Variants in HEMK2 observed in about 807,000 individuals in gnomAD.
HEMK2 encodes the protein methyltransferase HEMK2.
chr21:28,844,554 T>C, the HEMK2 span, among the ~76,000 whole-genome samples: 4 of 152,052 alleles, frequency 2.6e-5, no homozygotes, highest in Non-Finnish European at 5.9e-5. Flanking sequence ...TGTGAATATC[T>C]TTCTATGGAA....
chr21:28,682,104 G>A, the HEMK2 span, among the ~76,000 whole-genome samples: 1 of 151,978 alleles, frequency 6.6e-6, no homozygotes, highest in African/African-American at 2.4e-5. Flanking sequence ...TACCATCAGA[G>A]TGAACAGGCA....
chr21:28,647,267 C>T, the HEMK2 span, among the ~76,000 whole-genome samples: 2 of 133,108 alleles, frequency 1.5e-5, no homozygotes, highest in African/African-American at 2.9e-5. Flanking sequence ...GGGCTGATCA[C>T]AGGGTCAAGA....
At chr21:28,834,313 A>G in the HEMK2 span, among the ~76,000 whole-genome samples, 2 of 151,988 alleles carry the variant, frequency 1.3e-5, no homozygotes, top group Non-Finnish European at 2.9e-5. Flanking sequence ...GACCTGGGAG[A>G]CCCCCCAAAA....
At chr21:28,876,519 C>T in the HEMK2 span, 32 of 1,489,346 alleles carry the variant, frequency 2.1e-5, no homozygotes, top group Admixed American at 1.1e-4. Context: ...AGGTAAAATC[C>T]ATTAAGCCAT....
chr21:28,649,733 C>T, the HEMK2 span, among the ~76,000 whole-genome samples: 1 of 151,862 alleles, frequency 6.6e-6, no homozygotes, highest in Non-Finnish European at 1.5e-5. Flanking sequence ...ATGCTAAGCA[C>T]TAAGGAAATA....
the HEMK2 span, among the ~76,000 whole-genome samples, chr21:28,609,025 AC>A: frequency 6.6e-6 from 1 of 152,110 alleles, no homozygotes; most frequent in South Asian, 2.1e-4. Flanking sequence ...CTATGGCCCC[AC>A]CCACCACCTG....
chr21:28,613,619 C>CTTTTTTTTTTTTTTTTTTTTTTTTTTTT, the HEMK2 span, among the ~76,000 whole-genome samples: 9 of 82,698 alleles, frequency 1.1e-4, 2 homozygotes, highest in African/African-American at 4.2e-4. Flanking sequence ...TCTGCATATT[C>CTTTTTTTTTTTTTTTTTTTTTTTTTTTT]TTTTTTTTTT....
At chr21:28,815,614 T>C in the HEMK2 span, among the ~76,000 whole-genome samples, 1 of 152,062 alleles carries the variant, frequency 6.6e-6, no homozygotes, top group South Asian at 2.1e-4. Flanking sequence ...GGACATTCCA[T>C]GCCTCCAACA....
the HEMK2 span, among the ~76,000 whole-genome samples, chr21:28,676,300 G>A: frequency 2.6e-5 from 4 of 152,196 alleles, no homozygotes; most frequent in African/African-American, 9.7e-5. Flanking sequence ...TAGTCCCTCT[G>A]TGTGTGTCTA....
the HEMK2 span, among the ~76,000 whole-genome samples, chr21:28,668,935 T>A: frequency 6.6e-6 from 1 of 152,202 alleles, no homozygotes; most frequent in African/African-American, 2.4e-5. Context: ...AGTTTGAGAA[T>A]CACTGGTTTG....
chr21:28,866,256 A>C, the HEMK2 span, among the ~76,000 whole-genome samples: 2 of 151,404 alleles, frequency 1.3e-5, no homozygotes, highest in Non-Finnish European at 2.9e-5. Flanking sequence ...TGAGAGGATC[A>C]CTTGAGCTTG....
the HEMK2 span, among the ~76,000 whole-genome samples, chr21:28,660,878 T>C: frequency 2.0e-5 from 3 of 152,128 alleles, no homozygotes; most frequent in Non-Finnish European, 1.5e-5. Flanking sequence ...CCTGAAGTTA[T>C]CTTTGAACGA....
At chr21:28,671,601 T>C in the HEMK2 span, among the ~76,000 whole-genome samples, 26 of 152,250 alleles carry the variant, frequency 1.7e-4, no homozygotes, top group Non-Finnish European at 3.4e-4. Flanking sequence ...TGCAGTGTGG[T>C]AGGAGTGGGG....
chr21:28,664,751 T>C, the HEMK2 span, among the ~76,000 whole-genome samples: 2 of 152,170 alleles, frequency 1.3e-5, no homozygotes, highest in East Asian at 3.8e-4. Flanking sequence ...ATTTCACAGG[T>C]TGAAATGCTC....
chr21:28,730,582 A>T, the HEMK2 span, among the ~76,000 whole-genome samples: 1 of 152,212 alleles, frequency 6.6e-6, no homozygotes, highest in African/African-American at 2.4e-5. Context: ...TATTGGCAGG[A>T]ATTAGTTCCT....
chr21:28,817,259 A>T, the HEMK2 span, among the ~76,000 whole-genome samples: 3 of 152,318 alleles, frequency 2.0e-5, no homozygotes, highest in Admixed American at 2.0e-4. Context: ...ACATTTTCAG[A>T]TATGCAAGGA....
the HEMK2 span, among the ~76,000 whole-genome samples, chr21:28,589,188 A>T: frequency 6.6e-6 from 1 of 152,160 alleles, no homozygotes; most frequent in African/African-American, 2.4e-5. Context: ...GGCAAAGTAC[A>T]GGCAATTTTT....
the HEMK2 span, among the ~76,000 whole-genome samples, chr21:28,699,109 T>C: frequency 6.6e-6 from 1 of 152,232 alleles, no homozygotes; most frequent in African/African-American, 2.4e-5. Context: ...GTCATCTTTC[T>C]GAATGGCCTC....
chr21:28,685,874 G>A, the HEMK2 span, among the ~76,000 whole-genome samples: 1 of 152,316 alleles, frequency 6.6e-6, no homozygotes, highest in East Asian at 1.9e-4. Context: ...TTTGCTAACT[G>A]GAGCTTATCA....
Sources: gnomAD v4.1 joint callset for allele counts (sites outside exome capture counted in the v4.1 genomes callset) on GRCh38, gnomAD v4.1.1 for gene constraint, MANE v1.5 for transcripts, NCBI Gene and HGNC (gene_info 2026-07-23, HGNC 2026-07-21) for gene names.